The following SLC35F4 variants were observed in gnomAD, a reference collection of about 807,000 sequenced individuals.
The protein encoded by SLC35F4 is chromosome 14 open reading frame 36.
Under a neutral mutation model 44.2 loss-of-function variants are expected in SLC35F4, and 24 were observed. That is an observed-to-expected ratio of 0.54 (90% confidence interval 0.39 to 0.76). SLC35F4 has a LOEUF of 0.76. SLC35F4 is among the 30% of genes least tolerant of loss of function. The pLI is 0.00. For synonymous variants in SLC35F4, 238 were observed against 223.6 expected (o/e 1.06, Z -0.57); for missense variants, 562 against 586.1 (o/e 0.96, Z 0.42).
At chr14:57,595,720 T>C (rs937021025) in intron 1 of SLC35F4, 1 of 152,236 alleles carries the variant, frequency 6.6e-6, no homozygotes, top group African/African-American at 2.4e-5. Context: ...CTCTTTTAGA[T>C]TGGCTACTGA....
At chr14:57,828,875 A>C (rs1884064126) in intron 1 of SLC35F4, among the ~76,000 whole-genome samples, 1 of 152,236 alleles carries the variant, frequency 6.6e-6, no homozygotes, top group Non-Finnish European at 1.5e-5. Context: ...ATTATGCAAC[A>C]ACAATAATAA....
chr14:57,946,524 G>C lies in SLC35F4; in HGVS notation n.282+35389C>G, dbSNP rs561540165. ...GAGTCTCACTCTGTCACCCAGGTTG[G>C]AGTGCAGTGGCACGATCTCCACTCA... On this transcript the variant is annotated intron_variant and non_coding_transcript_variant, in intron 1 of 1. Transcript: ENST00000556568. 5.0e-5 allele frequency among the ~76,000 whole-genome samples: 7 copies of C among 140,390 alleles called. No individual in the cohort carries two copies. In the South Asian group the frequency reaches 1.6e-3, roughly 32 times the overall value. 92.1% of individuals were successfully genotyped at this position (140,390 alleles called of 152,430 possible).
intron 1 of SLC35F4, among the ~76,000 whole-genome samples, chr14:57,706,698 A>C: frequency 6.6e-6 from 1 of 152,176 alleles, no homozygotes; most frequent in East Asian, 1.9e-4. Context: ...TGGGCGAAAG[A>C]AAGCTGGAAC....
intron 1 of SLC35F4, among the ~76,000 whole-genome samples, chr14:57,666,863 G>A (rs1364820892): frequency 1.3e-5 from 2 of 152,084 alleles, no homozygotes; most frequent in Non-Finnish European, 2.9e-5. Context: ...GCCTGGGCTG[G>A]CTAGACAATA....
intron 2 of SLC35F4, among the ~76,000 whole-genome samples, chr14:57,591,503 G>A (rs1042820863): frequency 6.6e-6 from 1 of 152,288 alleles, no homozygotes; most frequent in South Asian, 2.1e-4. Context: ...TGTGTTGAGA[G>A]GCCAAGAAAG....
At chr14:57,642,295 G>C (rs898061197) in intron 1 of SLC35F4, among the ~76,000 whole-genome samples, 2 of 151,164 alleles carry the variant, frequency 1.3e-5, no homozygotes, top group African/African-American at 4.9e-5. Context: ...CCGAGAGCTA[G>C]TGAGAAAAAA....
intron 1 of SLC35F4, among the ~76,000 whole-genome samples, chr14:57,655,653 C>T (rs987502224): frequency 1.3e-5 from 2 of 152,116 alleles, no homozygotes; most frequent in Admixed American, 1.3e-4. Flanking sequence ...TTCTAGGCCT[C>T]ATAGTGCCAC....
At chr14:57,741,899 A>G (rs2076618911) in intron 1 of SLC35F4, among the ~76,000 whole-genome samples, 1 of 152,222 alleles carries the variant, frequency 6.6e-6, no homozygotes. Flanking sequence ...ACAAGCCAGA[A>G]GAGAGTGGGG....
At chr14:57,840,022 T>C (rs115026919) in intron 1 of SLC35F4, among the ~76,000 whole-genome samples, 190 of 152,278 alleles carry the variant, frequency 1.2e-3, no homozygotes, top group African/African-American at 4.4e-3. Flanking sequence ...ATAATAACAT[T>C]CATACATTTT....
In SLC35F4 at chr14:57,811,347, T is replaced by A. The variant is rs151066305; in HGVS notation, c.103+54376A>T. ...CTTTCTGAGCCTCAATTGTCTCGGC[T>A]CTAGAATAAGCCAAGTAGGTATGGC... On this transcript the variant is annotated intron_variant, in intron 1 of 7. Coordinates refer to ENST00000556826, the MANE Select transcript of SLC35F4 (RefSeq NM_001306087.2). Among the ~76,000 whole-genome samples the A allele has an allele frequency of 2.5e-3, 380 of 152,250 alleles. 1 individual carries two copies. The highest frequency in any genetic ancestry group is 8.6e-3 in the African/African-American group (357 of 41,550).
At chr14:57,577,903 AAC>A (rs2068913554) in intron 4 of SLC35F4, among the ~76,000 whole-genome samples, 1 of 152,208 alleles carries the variant, frequency 6.6e-6, no homozygotes, top group Admixed American at 6.5e-5. Flanking sequence ...GGCTTTTTAT[AAC>A]ACATCATAGA....
chr14:57,707,102 C>G (rs967723653), intron 1 of SLC35F4, among the ~76,000 whole-genome samples: 13 of 152,140 alleles, frequency 8.5e-5, no homozygotes, highest in African/African-American at 3.1e-4. Flanking sequence ...ATCAGTAAAA[C>G]TTTGAAACTG....
chr14:57,683,032 G>A (rs2074956459), intron 1 of SLC35F4, among the ~76,000 whole-genome samples: 1 of 151,832 alleles, frequency 6.6e-6, no homozygotes, highest in South Asian at 2.1e-4. Flanking sequence ...CATGGTGGGA[G>A]GGACTCTGTT....
At chr14:57,686,126 T>G (rs1039911558) in intron 1 of SLC35F4, among the ~76,000 whole-genome samples, 1 of 152,184 alleles carries the variant, frequency 6.6e-6, no homozygotes, top group African/African-American at 2.4e-5. Flanking sequence ...ACATAATGTT[T>G]AACCATAGTT....
chr14:57,885,892 T>C (rs1888634749), intron 1 of SLC35F4, among the ~76,000 whole-genome samples: 1 of 152,222 alleles, frequency 6.6e-6, no homozygotes, highest in South Asian at 2.1e-4. Flanking sequence ...TCATGCTGGA[T>C]ATTTCCTTCA....
intron 1 of SLC35F4, among the ~76,000 whole-genome samples, chr14:57,782,678 C>T (rs77849531): frequency 0.07 from 10,634 of 152,268 alleles, 431 homozygotes; most frequent in Middle Eastern, 0.12. Flanking sequence ...TCAGCATCTG[C>T]TTAAAACACC....
At chr14:57,566,443 C>T (rs957381482) in intron 7 of SLC35F4, 32 bp downstream of exon 7, 4 of 1,558,332 alleles carry the variant, frequency 2.6e-6, no homozygotes, top group Non-Finnish European at 2.6e-6. Flanking sequence ...TTGTAGTGGC[C>T]AGGATCTGCA....
chr14:57,708,790 T>C (rs1163468990), intron 1 of SLC35F4, among the ~76,000 whole-genome samples: 5 of 151,952 alleles, frequency 3.3e-5, no homozygotes, highest in African/African-American at 1.2e-4. Context: ...ATTTATTGGA[T>C]ACAAGACAAA....
chr14:57,980,040 A>C (rs1881333060), intron 1 of SLC35F4, among the ~76,000 whole-genome samples: 1 of 152,176 alleles, frequency 6.6e-6, no homozygotes, highest in African/African-American at 2.4e-5. Context: ...GATTTCTCCA[A>C]TTCCATTACC....
Sources: gnomAD v4.1 joint callset for allele counts (sites outside exome capture counted in the v4.1 genomes callset) on GRCh38, gnomAD v4.1.1 for gene constraint, MANE v1.5 for transcripts, NCBI Gene and HGNC (gene_info 2026-07-23, HGNC 2026-07-21) for gene names.